Variants in PCDHGB4 observed in about 807,000 individuals in gnomAD.
PCDHGB4 encodes protocadherin gamma subfamily B, 4, also known as protocadherin gamma-B4.
A neutral mutation model predicts 60.5 loss-of-function variants in PCDHGB4; 38 were observed. The ratio of observed to expected loss-of-function variants is 0.63; its 90% CI spans 0.48 to 0.82. PCDHGB4 has a LOEUF of 0.82. Among genes scored for constraint, PCDHGB4 ranks in the 40% least tolerant of loss-of-function variants. PCDHGB4 has a pLI of 0.00. For synonymous variants in PCDHGB4, 456 were observed against 509.7 expected, an observed-to-expected ratio of 0.89 and a Z score of 1.42; for missense variants, 1,109 against 1,209.6, an observed-to-expected ratio of 0.92 and a Z score of 1.23.
At chr5:141,422,880 G>T in intron 1 of PCDHGB4, 1 of 1,614,258 alleles carries the variant, frequency 6.2e-7, no homozygotes, top group East Asian at 2.2e-5. Flanking sequence ...CGCTGAGCCT[G>T]TTCGTGCTGG....
chr5:141,489,794 T>TA lies in PCDHGB4; in HGVS notation c.2398-5009dup. The TA allele has an allele frequency of 1.2e-6, 2 of 1,614,120 alleles. No homozygotes were observed. The highest frequency in any genetic ancestry group is 2.2e-5 in the South Asian group (2 of 91,076). The stretch of plus-strand genomic sequence containing the variant: ...CACTTCTCTCTGAATGTGAAGACCC[T>TA]AAAAGATGGGAAGCCATTCCCAGAG... On this transcript the variant is annotated intron_variant, in intron 1 of 3. Transcript: ENST00000519479. This position sits in a 1 kb window ranked among gnomAD's most constrained non-coding sequence, Gnocchi z 4.5.
rs778271895 is a variant in PCDHGB4 at position 141,404,140 on chromosome 5, T to C, written c.2397+13859T>C. ...AGAATCTATCTTTTACATTAGAAAA[T>C]TCAGAAGAAGATTATTACAGATTGT... On this transcript the variant is annotated intron_variant, in intron 1 of 3. Coordinates refer to ENST00000519479, the MANE Select transcript of PCDHGB4 (RefSeq NM_003736.4). The C allele has an allele frequency of 8.1e-6, 13 of 1,612,934 alleles. No homozygotes were observed. The South Asian group carries it at 1.3e-4, about 16-fold the overall frequency.
In PCDHGB4 at chr5:141,431,187, G is replaced by C. The variant is rs748150837; in HGVS notation, c.2397+40906G>C. On this transcript the variant is annotated intron_variant, in intron 1 of 3. Transcript: ENST00000519479. This position sits in a 1 kb window ranked among gnomAD's most constrained non-coding sequence, Gnocchi z 4.8. ...GAAAGTGAATTAGAAATAAAAATTAGTGAAAATGCAGCCACTGAGATGCGG... is the reference window on the plus strand; with the variant it reads ...GAAAGTGAATTAGAAATAAAAATTACTGAAAATGCAGCCACTGAGATGCGG... 4.3e-6 allele frequency: 7 copies of C among 1,614,102 alleles called. No homozygotes were observed. The Admixed American group carries it at 1.2e-4, about 27-fold the overall frequency.
At position 141,511,227 on chromosome 5, in the gene PCDHGB4, TCTC is replaced by T. The variant is rs2099883680; in HGVS notation, c.*57_*59del. 2 of 1,599,470 alleles carry T rather than the reference TCTC, an allele frequency of 1.3e-6. No homozygotes were observed. Among genetic ancestry groups the T allele is most frequent in the Non-Finnish European group, 1.7e-6 (2 of 1,173,054 alleles). ...CGGCCTCTCCCCAACCAGCCCAGCTTCTCCTTACCTGCACCCAGGCCTCAGAGT... is the reference window on the plus strand; with the variant it reads ...CGGCCTCTCCCCAACCAGCCCAGCTTCTTACCTGCACCCAGGCCTCAGAGT... On this transcript the variant is annotated 3_prime_UTR_variant, in exon 4 of 4. Transcript: ENST00000519479.
In PCDHGB4 at chr5:141,432,916, G is replaced by C; in HGVS notation, c.2397+42635G>C. ...TGCTGGCGCTCAGGCTGCGGCGCTG[G>C]CACAAGTCACGCCTGCTGCAGGCTT... On this transcript the variant is annotated intron_variant, in intron 1 of 3. Coordinates refer to ENST00000519479, the MANE Select transcript of PCDHGB4 (RefSeq NM_003736.4). The surrounding 1 kb of genome is among the most constrained non-coding windows in gnomAD (Gnocchi z 6.0). 1 of 1,614,196 alleles carries C rather than the reference G, an allele frequency of 6.2e-7. No homozygotes were observed. The highest frequency in any genetic ancestry group is 8.5e-7 in the Non-Finnish European group (1 of 1,180,040).
chr5:141,443,367 C>T (rs1305408862), intron 1 of PCDHGB4, among the ~76,000 whole-genome samples: 1 of 151,712 alleles, frequency 6.6e-6, no homozygotes, highest in African/African-American at 2.4e-5. Flanking sequence ...TGCCTGTGGT[C>T]TCAGCTACTT....
In PCDHGB4 at chr5:141,511,774, T is replaced by C. The variant is rs1173144009; in HGVS notation, c.*601T>C. 6.2e-6 allele frequency: 1 copy of C among 160,350 alleles called. No homozygotes were observed. The highest frequency in any genetic ancestry group is 1.4e-5 in the Non-Finnish European group (1 of 72,132). The allele number at this position is 160,350 out of a possible 1,614,324, so 9.9% of individuals were successfully genotyped here. A position where few individuals can be genotyped will look rare whatever the true frequency, so the allele number is the denominator to read the frequency against. On this transcript the variant is annotated 3_prime_UTR_variant, in exon 4 of 4. Coordinates refer to ENST00000519479, the MANE Select transcript of PCDHGB4 (RefSeq NM_003736.4). ...ATGATCACCATCCCCATGGTACTGA[T>C]GCTTGCTGGATTTAGGGAGGGCATT...
In PCDHGB4 at chr5:141,431,318, G is replaced by T. The variant is rs1309389474; in HGVS notation, c.2397+41037G>T. The T allele has an allele frequency of 6.2e-7, 1 of 1,614,086 alleles. No individual in the cohort carries two copies. Among genetic ancestry groups the T allele is most frequent in the African/African-American group, 1.3e-5 (1 of 75,050 alleles). ...CTCCCTCATCGTGCAAAATGGAGCCGACGGTAGTAAGTACCCCGAATTGGT... is the reference window on the plus strand; with the variant it reads ...CTCCCTCATCGTGCAAAATGGAGCCTACGGTAGTAAGTACCCCGAATTGGT... On this transcript the variant is annotated intron_variant, in intron 1 of 3. Coordinates refer to ENST00000519479, the MANE Select transcript of PCDHGB4 (RefSeq NM_003736.4). The surrounding 1 kb of genome is among the most constrained non-coding windows in gnomAD (Gnocchi z 4.8).
chr5:141,400,473 G>T (rs1196529035), intron 1 of PCDHGB4: 1 of 1,613,946 alleles, frequency 6.2e-7, no homozygotes, highest in Non-Finnish European at 8.5e-7. Context: ...ATTCATCTGG[G>T]GCCTTATTTC....
At chr5:141,421,185 C>T in intron 1 of PCDHGB4, 1 of 1,463,494 alleles carries the variant, frequency 6.8e-7, no homozygotes, top group Non-Finnish European at 9.1e-7. Flanking sequence ...GATTCACAAC[C>T]AACCAGCTCG....
chr5:141,399,330 A>T, intron 1 of PCDHGB4: 1 of 1,613,994 alleles, frequency 6.2e-7, no homozygotes, highest in Non-Finnish European at 8.5e-7. Flanking sequence ...ATAAGTTGGT[A>T]ACAGATGGAA....
At chr5:141,474,044 T>A (rs1442885504) in intron 1 of PCDHGB4, among the ~76,000 whole-genome samples, 3 of 152,162 alleles carry the variant, frequency 2.0e-5, no homozygotes. Context: ...TACTCCAGCC[T>A]GGATGACAGA....
At chr5:141,413,625 C>A (rs372855865) in intron 1 of PCDHGB4, 22 of 1,613,734 alleles carry the variant, frequency 1.4e-5, no homozygotes, top group Non-Finnish European at 1.9e-5. Flanking sequence ...ATGAAAATGT[C>A]GCTGCGGGAA....
At chr5:141,478,215 T>C (rs764444582) in intron 1 of PCDHGB4, 11 of 1,614,118 alleles carry the variant, frequency 6.8e-6, no homozygotes. Context: ...TCTCTAATCC[T>C]GGTTTCTGTG....
In PCDHGB4 at chr5:141,431,538, AGCTGCTTGTAGTCAAC is replaced by A; in HGVS notation, c.2397+41261_2397+41276del. 2 of 1,614,114 alleles carry A rather than the reference AGCTGCTTGTAGTCAAC, an allele frequency of 1.2e-6. No homozygotes were observed. Among genetic ancestry groups the A allele is most frequent in the Non-Finnish European group, 1.7e-6 (2 of 1,180,024 alleles). ...CCGGAGAATCTGGCCTTGGGCACGC[AGCTGCTTGTAGTCAAC>A]GCTACCGACCCTGACGAAGGAGTCA... On this transcript the variant is annotated intron_variant, in intron 1 of 3. Coordinates refer to ENST00000519479, the MANE Select transcript of PCDHGB4 (RefSeq NM_003736.4). This position sits in a 1 kb window ranked among gnomAD's most constrained non-coding sequence, Gnocchi z 4.8.
At chr5:141,393,479 C>A (rs375589587) in intron 1 of PCDHGB4, 1 of 1,613,940 alleles carries the variant, frequency 6.2e-7, no homozygotes, top group Non-Finnish European at 8.5e-7. Flanking sequence ...AGCCGCCTCG[C>A]TCTAGCACAG....
At chr5:141,484,899 T>G (rs1296997337) in intron 1 of PCDHGB4, 9 of 398,498 alleles carry the variant, frequency 2.3e-5, no homozygotes, top group Non-Finnish European at 3.1e-5. Flanking sequence ...TCCCCTCCAA[T>G]GCTGCGACGC....
chr5:141,410,201 A>G, intron 1 of PCDHGB4: 3 of 1,613,988 alleles, frequency 1.9e-6, no homozygotes, highest in Non-Finnish European at 2.5e-6. Context: ...CTTCGCAGAC[A>G]ACTTGCAAGA....
chr5:141,489,800 A>G lies in PCDHGB4; in HGVS notation c.2398-5007A>G. 6.2e-7 allele frequency: 1 copy of G among 1,614,166 alleles called. No homozygotes were observed. Among genetic ancestry groups the G allele is most frequent in the Non-Finnish European group, 8.5e-7 (1 of 1,179,994 alleles). On this transcript the variant is annotated intron_variant, in intron 1 of 3. Coordinates refer to ENST00000519479, the MANE Select transcript of PCDHGB4 (RefSeq NM_003736.4). This position sits in a 1 kb window ranked among gnomAD's most constrained non-coding sequence, Gnocchi z 4.5. ...TCTCTGAATGTGAAGACCCTAAAAG[A>G]TGGGAAGCCATTCCCAGAGCTGGTG...
Sources: allele counts gnomAD v4.1 joint callset (sites outside exome capture counted in the v4.1 genomes callset), GRCh38; gene constraint gnomAD v4.1.1; non-coding constraint Gnocchi (gnomAD v3.1); transcripts MANE v1.5; gene names NCBI Gene and HGNC (gene_info 2026-07-23, HGNC 2026-07-21).